The following DEF8 variants were observed in gnomAD, a reference collection of about 807,000 sequenced individuals.
The protein encoded by DEF8 is DEF-8.
A neutral mutation model predicts 59.1 loss-of-function variants in DEF8; 38 were observed. The ratio of observed to expected loss-of-function variants is 0.64; its 90% CI spans 0.50 to 0.84. The LOEUF (loss-of-function observed/expected upper bound fraction) is 0.84, where lower values mean the gene tolerates loss of function less well. Among genes scored for constraint, DEF8 ranks in the 40% least tolerant of loss-of-function variants. The pLI is 0.00. For missense variants in DEF8, 557 were observed against 615.2 expected, an observed-to-expected ratio of 0.91 and a Z score of 1.00; for synonymous variants, 265 against 250.1, an observed-to-expected ratio of 1.06 and a Z score of -0.56.
chr16:89,960,069 TATAAGG>T (rs1051163120), intron 6 of DEF8, among the ~76,000 whole-genome samples: 27 of 151,920 alleles, frequency 1.8e-4, no homozygotes, highest in African/African-American at 6.5e-4. Context: ...CTGTGGTTGA[TATAAGG>T]AGGAGCAGAG....
Position 89,964,287 on chromosome 16 carries a change from A to G in DEF8, c.1120A>G (p.Lys374Glu). The change falls in exon 11 of 13, where the codon AAG becomes GAG. Residue 374 changes from lysine to glutamate, a missense_variant. Physicochemically the swap from Lys to Glu is moderately conservative, Grantham distance 56 (BLOSUM62 1). Coordinates refer to ENST00000563594, the MANE Select transcript of DEF8 (RefSeq NM_001242818.2). ...CACCGAGATCCACACGCTCTTCGCC[A>G]AGCACATCAAGCTGGACTGCGAGGT... ...SLTEIHTLFA[K>E]HIKLDCERCQ... is the part of the protein sequence containing the mutation. 1 of 1,599,322 alleles carries G rather than the reference A, an allele frequency of 6.3e-7. No homozygotes were observed. The highest frequency in any genetic ancestry group is 8.5e-7 in the Non-Finnish European group (1 of 1,173,310).
chr16:89,961,962 G>A, intron 8 of DEF8, 50 bp from the exon 9 acceptor site: 5 of 1,607,308 alleles, frequency 3.1e-6, no homozygotes, highest in Non-Finnish European at 4.3e-6. Context: ...GTTGCCCGCT[G>A]CACGGGCCCT....
chr16:89,953,470 G>A (rs138114737), intron 2 of DEF8, among the ~76,000 whole-genome samples: 1 of 152,270 alleles, frequency 6.6e-6, no homozygotes, highest in Non-Finnish European at 1.5e-5. Context: ...CTTCTGCCAC[G>A]TGGAGAACTA....
chr16:89,962,683 AGTTAAT>A lies in DEF8; in HGVS notation c.921+565_921+570del, dbSNP rs369099124. On this transcript the variant is annotated intron_variant, in intron 9 of 12. Transcript: ENST00000563594. ...AAAAAAAGTAAAAAGAAACAAGTGAAGTTAATGTTAATAGTATATTTTATTTAGCCC... is the reference window on the plus strand; with the variant it reads ...AAAAAAAGTAAAAAGAAACAAGTGAAGTTAATAGTATATTTTATTTAGCCC... Among the ~76,000 whole-genome samples, 33 of 152,350 alleles carry A rather than the reference AGTTAAT, an allele frequency of 2.2e-4. No homozygotes were observed. The East Asian group carries it at 4.4e-3, about 20-fold the overall frequency.
intron 12 of DEF8, among the ~76,000 whole-genome samples, chr16:89,965,629 A>C (rs1008078359): frequency 6.6e-6 from 1 of 151,910 alleles, no homozygotes; most frequent in Admixed American, 6.6e-5. Context: ...GTGAACTGGG[A>C]CCTGTGTGGT....
Position 89,957,443 on chromosome 16 carries a change from C to A in DEF8, c.223-68C>A, listed in dbSNP as rs1250471000. 2.2e-5 allele frequency: 33 copies of A among 1,495,690 alleles called. No homozygotes were observed. In the East Asian group the frequency reaches 4.0e-4, roughly 18 times the overall value. 92.7% of individuals were successfully genotyped at this position (1,495,690 alleles called of 1,614,324 possible). ...GGGGTCTGCTCTGGGCCTGTCTCGG[C>A]GGATGGGCCTTAACAGGGAGCTCCT... On this transcript the variant is annotated intron_variant, in intron 4 of 12. Coordinates refer to ENST00000563594, the MANE Select transcript of DEF8 (RefSeq NM_001242818.2).
chr16:89,955,101 T>C lies in DEF8; in HGVS notation c.125-68T>C. On this transcript the variant is annotated intron_variant, in intron 3 of 12. Coordinates refer to ENST00000563594, the MANE Select transcript of DEF8 (RefSeq NM_001242818.2). ...CTTTCCCACTCCTGGCTATCTCAGC[T>C]CCTCCCTAGGGGATGGGAGGCAGGA... 8 of 1,260,656 alleles carry C rather than the reference T, an allele frequency of 6.3e-6. No individual in the cohort carries two copies. The South Asian group carries it at 9.6e-5, about 15-fold the overall frequency. The allele number at this position is 1,260,656 out of a possible 1,614,324, so 78.1% of individuals were successfully genotyped here.
In DEF8 at chr16:89,960,954, A is replaced by G; in HGVS notation, c.538A>G (p.Lys180Glu). The G allele has an allele frequency of 6.2e-7, 1 of 1,613,998 alleles. No homozygotes were observed. The highest frequency in any genetic ancestry group is 8.5e-7 in the Non-Finnish European group (1 of 1,179,986). ...AGGGTGTTATTACCGCTGTCACAGT[A>G]AGTGCTTGAACCTCATCTCCAAGCC... ...CTGCYYRCHS[K>E]CLNLISKPCV... The change falls in exon 7 of 13, where the codon AAG (lysine) becomes GAG (glutamate). Residue 180 changes from lysine (K) to glutamate (E), a missense_variant. Physicochemically the swap from Lys to Glu is moderately conservative, Grantham distance 56. Coordinates refer to ENST00000563594, the MANE Select transcript of DEF8 (RefSeq NM_001242818.2).
chr16:89,957,371 C>G lies in DEF8; in HGVS notation c.223-140C>G. 4.3e-6 allele frequency: 4 copies of G among 929,396 alleles called. No individual in the cohort carries two copies. The South Asian group carries it at 7.1e-5, about 17-fold the overall frequency. 57.6% of individuals were successfully genotyped at this position (929,396 alleles called of 1,614,324 possible). Reference sequence around the variant, plus strand: ...CCACCTTTCCTGCCCTGGAGCAAGTCCTCGGTGCCCTCTGGGTTGAGTTTC... The same window carrying G: ...CCACCTTTCCTGCCCTGGAGCAAGTGCTCGGTGCCCTCTGGGTTGAGTTTC... On this transcript the variant is annotated intron_variant, in intron 4 of 12. Coordinates refer to ENST00000563594, the MANE Select transcript of DEF8 (RefSeq NM_001242818.2).
chr16:89,960,531 C>A (rs1234045661), intron 6 of DEF8, among the ~76,000 whole-genome samples: 1 of 150,768 alleles, frequency 6.6e-6, no homozygotes, highest in East Asian at 2.0e-4. Context: ...AAAACAACAA[C>A]AACAAAAACA....
Position 89,965,905 on chromosome 16 carries a change from G to T in DEF8, c.1298G>T (p.Arg433Leu). ...TCCACCACTTGTCCCAAGTGTGCCC[G>T]GCTCAGCCTGAGGAAGCAGTCGCTC... is the stretch of plus-strand genomic sequence containing the variant. ...DNSTTCPKCA[R>L]LSLRKQSLFQ... The change falls in exon 13 of 13, where the codon CGG becomes CTG. Residue 433 changes from arginine (R) to leucine (L), a missense_variant. By Grantham distance (102) the Arg-to-Leu change is moderately radical. Coordinates refer to ENST00000563594, the MANE Select transcript of DEF8 (RefSeq NM_001242818.2). 1.2e-6 allele frequency: 2 copies of T among 1,613,732 alleles called. No individual in the cohort carries two copies. The highest frequency in any genetic ancestry group is 1.7e-6 in the Non-Finnish European group (2 of 1,179,798).
chr16:89,956,770 A>C (rs945065921), intron 4 of DEF8: 1 of 152,184 alleles, frequency 6.6e-6, no homozygotes, highest in Non-Finnish European at 1.5e-5. Flanking sequence ...CGGCCTCCCA[A>C]AGTGCTAGCA....
intron 7 of DEF8, 133 bp from the exon 8 acceptor site, chr16:89,961,604 T>C: frequency 8.7e-7 from 1 of 1,155,936 alleles, no homozygotes; most frequent in Non-Finnish European, 1.2e-6. Context: ...ACCTGAGGTC[T>C]TCCGGCTGAG....
intron 3 of DEF8, 78 bp from the exon 4 acceptor site, chr16:89,955,091 C>A: frequency 8.7e-7 from 1 of 1,154,812 alleles, no homozygotes; most frequent in Non-Finnish European, 1.3e-6. Context: ...CCACTCCTGG[C>A]TATCTCAGCT....
At chr16:89,949,775 G>A (rs1438485077) in intron 2 of DEF8, 1 of 850,466 alleles carries the variant, frequency 1.2e-6, no homozygotes, top group African/African-American at 1.7e-5. Flanking sequence ...CTAGAGGAGG[G>A]GCAGGGGGTG....
intron 2 of DEF8, chr16:89,950,183 C>T (rs972596253): frequency 6.1e-6 from 6 of 986,270 alleles, no homozygotes; most frequent in Non-Finnish European, 7.2e-6. Flanking sequence ...AGGTTTCCAG[C>T]GGCTTCCCCA....
rs1035128529 is a variant in DEF8, at chr16:89,963,518, T to C, written c.1002+75T>C. 179 of 1,332,720 alleles carry C rather than the reference T, an allele frequency of 1.3e-4. 1 individual carries two copies. The East Asian group carries it at 1.6e-3, about 12-fold the overall frequency. 82.6% of individuals were successfully genotyped at this position (1,332,720 alleles called of 1,614,324 possible). A position where few individuals can be genotyped will look rare whatever the true frequency, so the allele number is the denominator to read the frequency against. ...GTGAGGCACCTCAGGCTCAGGTTTTTTCCGGACAGCTTGTGCGTGGAGTGC... is the reference window on the plus strand; with the variant it reads ...GTGAGGCACCTCAGGCTCAGGTTTTCTCCGGACAGCTTGTGCGTGGAGTGC... On this transcript the variant is annotated intron_variant, in intron 10 of 12. Coordinates refer to ENST00000563594, the MANE Select transcript of DEF8 (RefSeq NM_001242818.2).
At position 89,967,656 on chromosome 16, in the gene DEF8, A is replaced by G. The variant is rs1233165749; in HGVS notation, c.*1693A>G. On this transcript the variant is annotated 3_prime_UTR_variant, in exon 13 of 13. Transcript: ENST00000563594. ...GTTAAAGGCCAAATGCTGTTTCCCA[A>G]CACCCCAAAGTCTGCACACGTCTCA... 1.3e-5 allele frequency: 5 copies of G among 395,978 alleles called. No homozygotes were observed. Among genetic ancestry groups the G allele is most frequent in the Non-Finnish European group, 1.8e-5 (4 of 225,030 alleles). 24.5% of individuals were successfully genotyped at this position (395,978 alleles called of 1,614,324 possible).
chr16:89,949,713 G>A, intron 2 of DEF8, 200 bp downstream of exon 2: 2 of 1,404,750 alleles, frequency 1.4e-6, no homozygotes, highest in South Asian at 1.3e-5. Flanking sequence ...GCTTTCTTCG[G>A]CTTCCTTTCA....
Sources: allele counts gnomAD v4.1 joint callset (sites outside exome capture counted in the v4.1 genomes callset), GRCh38; gene constraint gnomAD v4.1.1; transcripts MANE v1.5; gene names NCBI Gene and HGNC (gene_info 2026-07-23, HGNC 2026-07-21).